RTL4: variants seen among roughly 807,000 people sequenced by gnomAD.
The protein encoded by RTL4 is retrotransposon Gag like 4, also known as retrotransposon Gag-like protein 4.
Under a neutral mutation model 5.3 loss-of-function variants are expected in RTL4, and 4 were observed. The ratio of observed to expected loss-of-function variants is 0.75; its 90% CI spans 0.37 to 1.72. The LOEUF (loss-of-function observed/expected upper bound fraction) is 1.72. Ranked by LOEUF, RTL4 falls within the 40% of genes most tolerant of loss-of-function variation. RTL4 has a pLI of 0.04. For missense variants in RTL4, 260 were observed against 227.1 expected (o/e 1.14, Z -0.93); for synonymous variants, 98 against 87.3 (o/e 1.12, Z -0.68).
chrX:112,230,115 C>A, the RTL4 span, among the ~76,000 whole-genome samples: 4 of 112,620 alleles, frequency 3.6e-5, no homozygotes, highest in East Asian at 1.1e-3. Flanking sequence ...TGTCTGTGCC[C>A]TGCCCCCAGA....
the RTL4 span, among the ~76,000 whole-genome samples, chrX:112,401,523 C>G: frequency 1.2e-4 from 13 of 112,103 alleles, no homozygotes; most frequent in African/African-American, 3.9e-4. Flanking sequence ...GTGCCACTAA[C>G]TACCCAGTTA....
At chrX:112,236,161 C>T in the RTL4 span, among the ~76,000 whole-genome samples, 1 of 109,036 alleles carries the variant, frequency 9.2e-6, no homozygotes, top group African/African-American at 3.3e-5. Context: ...TTATTTTTGC[C>T]TAATTTTGAT....
At chrX:112,168,931 TTC>T in the RTL4 span, among the ~76,000 whole-genome samples, 1 of 57,666 alleles carries the variant, frequency 1.7e-5, no homozygotes, top group African/African-American at 6.0e-5. Flanking sequence ...CTTTCTTTCT[TTC>T]TTTCTTTTTC....
the RTL4 span, among the ~76,000 whole-genome samples, chrX:112,200,469 T>C: frequency 8.9e-6 from 1 of 112,036 alleles, no homozygotes; most frequent in Non-Finnish European, 1.9e-5. Flanking sequence ...AAATATTTGT[T>C]GAATGAATGT....
chrX:112,324,634 G>C, the RTL4 span, among the ~76,000 whole-genome samples: 228 of 111,218 alleles, frequency 2.1e-3, 1 homozygote, highest in Middle Eastern at 4.7e-3. Flanking sequence ...ATCCCTCTAT[G>C]TTTTGAATGT....
chrX:112,455,186 AC>A lies in RTL4; in HGVS notation c.459del (p.Asp153GlufsTer21). The A allele has an allele frequency of 8.3e-7, 1 of 1,211,397 alleles. No individual in the cohort carries two copies. The highest frequency in any genetic ancestry group is 1.1e-6 in the Non-Finnish European group (1 of 895,325). ...AATCCTCTGATGAATGCTAAGTTTG[AC>A]AAAGGAGACAACTCCTCTCAGCAGG... On this transcript the variant is annotated frameshift_variant, in exon 1 of 1. Transcript: ENST00000340433. LOFTEE classifies it low-confidence loss of function (END_TRUNC).
At chrX:112,219,261 C>A in the RTL4 span, among the ~76,000 whole-genome samples, 2 of 112,287 alleles carry the variant, frequency 1.8e-5, no homozygotes, top group Non-Finnish European at 3.8e-5. Flanking sequence ...ATTTACAAGG[C>A]ATCTCAAGGG....
the RTL4 span, among the ~76,000 whole-genome samples, chrX:112,089,905 T>C: frequency 8.9e-5 from 10 of 111,828 alleles, no homozygotes; most frequent in Non-Finnish European, 1.7e-4. Flanking sequence ...TATTTAGTTC[T>C]TCCTTAATTA....
At chrX:112,126,882 C>G in the RTL4 span, among the ~76,000 whole-genome samples, 6 of 111,431 alleles carry the variant, frequency 5.4e-5, no homozygotes, top group Non-Finnish European at 1.1e-4. Context: ...TCTGAATAGA[C>G]CTATAAAAAG....
At chrX:112,304,418 T>A in the RTL4 span, among the ~76,000 whole-genome samples, 3 of 110,760 alleles carry the variant, frequency 2.7e-5, no homozygotes, top group Non-Finnish European at 5.7e-5. Flanking sequence ...AGCACCTGAA[T>A]GGGCAGATGT....
chrX:112,308,387 A>G, the RTL4 span, among the ~76,000 whole-genome samples: 1 of 111,443 alleles, frequency 9.0e-6, no homozygotes, highest in African/African-American at 3.3e-5. Flanking sequence ...AGGAAAACAC[A>G]TGGCTAACAA....
chrX:112,295,948 A>G, the RTL4 span, among the ~76,000 whole-genome samples: 1 of 112,463 alleles, frequency 8.9e-6, no homozygotes, highest in Non-Finnish European at 1.9e-5. Flanking sequence ...GTTGAAATAC[A>G]TTGCTGAAAA....
chrX:112,277,114 C>T, the RTL4 span, among the ~76,000 whole-genome samples: 2 of 111,356 alleles, frequency 1.8e-5, no homozygotes, highest in East Asian at 5.7e-4. Context: ...AGAGTTTCCC[C>T]CATGTCTTGG....
the RTL4 span, among the ~76,000 whole-genome samples, chrX:112,431,401 T>C: frequency 4.5e-5 from 5 of 112,161 alleles, no homozygotes; most frequent in Admixed American, 1.9e-4. Flanking sequence ...GTAGAGCTCC[T>C]GGTAATAAAA....
the RTL4 span, among the ~76,000 whole-genome samples, chrX:112,253,685 C>G: frequency 1.4e-4 from 16 of 112,055 alleles, no homozygotes; most frequent in African/African-American, 5.2e-4. Flanking sequence ...TAACTCTTAA[C>G]GAAGACTCTC....
chrX:112,436,940 G>A, the RTL4 span, among the ~76,000 whole-genome samples: 2 of 111,739 alleles, frequency 1.8e-5, no homozygotes, highest in Non-Finnish European at 1.9e-5. Flanking sequence ...GGTGTTTAGG[G>A]CATTTTGGCT....
the RTL4 span, among the ~76,000 whole-genome samples, chrX:112,315,123 A>G: frequency 7.2e-5 from 8 of 111,790 alleles, no homozygotes; most frequent in Non-Finnish European, 1.5e-4. Context: ...TATATTGCTG[A>G]AGAGAGAAAG....
chrX:112,181,822 C>T, the RTL4 span, among the ~76,000 whole-genome samples: 5 of 112,032 alleles, frequency 4.5e-5, no homozygotes, highest in East Asian at 1.1e-3. Context: ...GCACAGCACT[C>T]GAGCTCTGCT....
chrX:112,099,401 C>G, the RTL4 span, among the ~76,000 whole-genome samples: 1 of 111,439 alleles, frequency 9.0e-6, no homozygotes, highest in Non-Finnish European at 1.9e-5. Flanking sequence ...TCAGGGTAGG[C>G]TTCATGGAAT....
Sources: allele counts gnomAD v4.1 joint callset (sites outside exome capture counted in the v4.1 genomes callset), GRCh38; gene constraint gnomAD v4.1.1; transcripts MANE v1.5; gene names NCBI Gene and HGNC (gene_info 2026-07-23, HGNC 2026-07-21).